ZNF45: variants seen among roughly 807,000 people sequenced by gnomAD.
ZNF45 encodes BRC1744.
A neutral mutation model predicts 12.0 loss-of-function variants in ZNF45; 4 were observed. That is an observed-to-expected ratio of 0.33 (90% CI 0.16 to 0.76). ZNF45 has a LOEUF of 0.76. Among genes scored for constraint, ZNF45 ranks in the 30% least tolerant of loss-of-function variants. The pLI, the probability that ZNF45 is intolerant of heterozygous loss-of-function variation, is 0.60. For missense variants in ZNF45, 700 were observed against 813.0 expected (o/e 0.86, Z 1.69); for synonymous variants, 272 against 279.6 (o/e 0.97, Z 0.27).
rs568856823 is a variant in ZNF45 at position 43,928,012 on chromosome 19, T to G, written c.-399-2554A>C. On this transcript the variant is annotated intron_variant, in intron 3 of 9. Coordinates refer to ENST00000269973, the MANE Select transcript of ZNF45 (RefSeq NM_003425.4). ...CAACATGGAGAAACCCTGTCTCTAC[T>G]TAAAAAAAAAAATACAAAATTAGCC... Among the ~76,000 whole-genome samples the G allele has an allele frequency of 2.0e-5, 3 of 151,336 alleles. No homozygotes were observed. The South Asian group carries it at 6.3e-4, about 32-fold the overall frequency.
At chr19:43,920,547 GCA>G (rs1973067211) in intron 7 of ZNF45, among the ~76,000 whole-genome samples, 4 of 89,318 alleles carry the variant, frequency 4.5e-5, no homozygotes, top group African/African-American at 7.4e-5. Flanking sequence ...GGGGGGGGGG[GCA>G]GTGGGCGGTA....
In ZNF45 at chr19:43,914,935, TTCTCCTTTGTA is replaced by T; in HGVS notation, c.490_500del (p.Tyr164ThrfsTer15). The T allele has an allele frequency of 1.2e-6, 2 of 1,612,528 alleles. No homozygotes were observed. Among genetic ancestry groups the T allele is most frequent in the Non-Finnish European group, 1.7e-6 (2 of 1,178,640 alleles). On this transcript the variant is annotated frameshift_variant, in exon 10 of 10. Coordinates refer to ENST00000269973, the MANE Select transcript of ZNF45 (RefSeq NM_003425.4). LOFTEE classifies it low-confidence loss of function (END_TRUNC). The stretch of plus-strand genomic sequence containing the variant: ...TCCAGCTGAAACTTTTCACACAATG[TTCTCCTTTGTA>T]GGGTTTTTCACCAGTGTGGACTCTG...
chr19:43,913,140 TTCTA>T lies in ZNF45; in HGVS notation c.*243_*246del, dbSNP rs1972341712. ...ATTCTAGTGGAACAGAATTCAGCAT[TTCTA>T]TCTTAGTACTTCTGATTTACTCCAG... is the stretch of plus-strand genomic sequence containing the variant. On this transcript the variant is annotated 3_prime_UTR_variant, in exon 10 of 10. Transcript: ENST00000269973. 5.3e-6 allele frequency: 2 copies of T among 379,622 alleles called. No homozygotes were observed. The highest frequency in any genetic ancestry group is 1.9e-4 in the South Asian group (2 of 10,678). 23.5% of individuals were successfully genotyped at this position (379,622 alleles called of 1,614,324 possible).
At chr19:43,916,783 G>A (rs1972717731) in intron 9 of ZNF45, among the ~76,000 whole-genome samples, 1 of 152,136 alleles carries the variant, frequency 6.6e-6, no homozygotes, top group South Asian at 2.1e-4. Context: ...ACTGGAAAGA[G>A]CGATTCTTCT....
intron 3 of ZNF45, among the ~76,000 whole-genome samples, chr19:43,927,666 C>A (rs1270442360): frequency 1.3e-5 from 2 of 152,238 alleles, no homozygotes; most frequent in African/African-American, 4.8e-5. Context: ...TATATTTGAA[C>A]AGAGACCTCA....
At chr19:43,919,346 A>G (rs547229233) in intron 8 of ZNF45, among the ~76,000 whole-genome samples, 59 of 152,328 alleles carry the variant, frequency 3.9e-4, no homozygotes, top group Middle Eastern at 3.4e-3. Context: ...AGATGACCAC[A>G]ATTTGAGAAA....
intron 9 of ZNF45, among the ~76,000 whole-genome samples, chr19:43,915,479 T>C (rs1160465862): frequency 3.3e-5 from 5 of 152,226 alleles, no homozygotes; most frequent in South Asian, 2.1e-4. Context: ...GAAAGACACA[T>C]TTTTCAGAAA....
At chr19:43,922,983 G>A (rs750191877) in intron 6 of ZNF45, among the ~76,000 whole-genome samples, 1 of 151,528 alleles carries the variant, frequency 6.6e-6, no homozygotes, top group Non-Finnish European at 1.5e-5. Flanking sequence ...GCACCACAAT[G>A]TCCAGCTAAT....
chr19:43,915,683 C>T (rs1006972748), intron 9 of ZNF45, among the ~76,000 whole-genome samples: 39 of 152,002 alleles, frequency 2.6e-4, no homozygotes, highest in African/African-American at 8.2e-4. Flanking sequence ...TCGTGAACTG[C>T]GCGTGCGAGG....
Position 43,913,658 on chromosome 19 carries a change from A to C in ZNF45, c.1778T>G (p.Phe593Cys). 6.2e-7 allele frequency: 1 copy of C among 1,613,664 alleles called. No individual in the cohort carries two copies. The highest frequency in any genetic ancestry group is 8.5e-7 in the Non-Finnish European group (1 of 1,179,956). The change falls in exon 10 of 10, where the codon TTC (phenylalanine) becomes TGC (cysteine). Residue 593 changes from phenylalanine (F) to cysteine (C), a missense_variant. By Grantham distance (205) the Phe-to-Cys change is radical (BLOSUM62 -2). Coordinates refer to ENST00000269973, the MANE Select transcript of ZNF45 (RefSeq NM_003425.4). The part of the protein sequence containing the change: ...PYRCDVCGKR[F>C]RQRSYLQAHQ... Reference sequence around the variant, plus strand: ...GGCTTGAAGGTAGGATCTCTGTCTGAAGCGCTTACCACACACATCACATCG... The same window carrying C: ...GGCTTGAAGGTAGGATCTCTGTCTGCAGCGCTTACCACACACATCACATCG...
intron 6 of ZNF45, among the ~76,000 whole-genome samples, chr19:43,923,417 T>C (rs776993824): frequency 6.6e-6 from 1 of 152,312 alleles, no homozygotes; most frequent in East Asian, 1.9e-4. Context: ...TTCTATTTTA[T>C]TATAAGTTAT....
chr19:43,932,497 G>A (rs1009684654), intron 3 of ZNF45, 107 bp downstream of exon 3: 1 of 152,180 alleles, frequency 6.6e-6, no homozygotes, highest in Non-Finnish European at 1.5e-5. Flanking sequence ...CACCAAACGT[G>A]AGATAACAGA....
intron 3 of ZNF45, among the ~76,000 whole-genome samples, chr19:43,929,584 A>G (rs988813504): frequency 1.3e-5 from 2 of 152,160 alleles, no homozygotes; most frequent in African/African-American, 4.8e-5. Flanking sequence ...GTGATGTACC[A>G]GTGGAACTCT....
chr19:43,929,943 G>A (rs1337683290), intron 3 of ZNF45: 3 of 152,348 alleles, frequency 2.0e-5, no homozygotes, highest in East Asian at 3.9e-4. Flanking sequence ...TGACTGTAGG[G>A]TTTGTGTGTT....
chr19:43,929,538 C>T (rs1185252713), intron 3 of ZNF45, among the ~76,000 whole-genome samples: 1 of 152,184 alleles, frequency 6.6e-6, no homozygotes, highest in Non-Finnish European at 1.5e-5. Context: ...CTTCCTGACC[C>T]TTGCCTGTAG....
intron 3 of ZNF45, among the ~76,000 whole-genome samples, chr19:43,926,735 G>A (rs560478341): frequency 2.0e-5 from 3 of 152,284 alleles, no homozygotes; most frequent in Non-Finnish European, 2.9e-5. Context: ...CTACACAAAC[G>A]TAGCTTAATC....
At chr19:43,922,370 A>C in intron 6 of ZNF45, 153 bp from the exon 7 acceptor site, 1 of 557,426 alleles carries the variant, frequency 1.8e-6, no homozygotes. Context: ...GATGAACAGA[A>C]ACTAGGCTGG....
intron 7 of ZNF45, among the ~76,000 whole-genome samples, chr19:43,919,941 G>A (rs1972995418): frequency 6.6e-6 from 1 of 152,156 alleles, no homozygotes; most frequent in South Asian, 2.1e-4. Context: ...TCTTAGGTAA[G>A]TTCCAAGAAG....
At chr19:43,918,830 G>A (rs423320) in intron 9 of ZNF45, 40 bp downstream of exon 9, 790,551 of 1,565,870 alleles carry the variant, frequency 0.5, 204,865 homozygotes, top group East Asian at 0.83. Context: ...TATCTCCAAG[G>A]CTAACAGAAA....
Sources: gnomAD v4.1 joint callset for allele counts (sites outside exome capture counted in the v4.1 genomes callset) on GRCh38, gnomAD v4.1.1 for gene constraint, MANE v1.5 for transcripts, NCBI Gene and HGNC (gene_info 2026-07-23, HGNC 2026-07-21) for gene names.